Variants in HMCN2 observed in about 807,000 individuals in gnomAD.
HMCN2 encodes hemicentin-2.
In HMCN2, 325 loss-of-function variants were observed where a neutral mutation model predicts 377.5. The observed-to-expected ratio is 0.86, with a 90% CI of 0.79 to 0.94. The LOEUF (loss-of-function observed/expected upper bound fraction) is 0.94, where lower values mean the gene tolerates loss of function less well. Ranked by LOEUF, HMCN2 falls within the 40% of genes least tolerant of loss-of-function variation. The pLI is 0.00. For missense variants in HMCN2, 4,543 were observed against 4,725.3 expected, an observed-to-expected ratio of 0.96 and a Z score of 1.13; for synonymous variants, 2,007 against 2,046.8, an observed-to-expected ratio of 0.98 and a Z score of 0.53.
intron 15 of HMCN2, among the ~76,000 whole-genome samples, chr9:130,313,607 C>CA (rs1554939735): frequency 2.0e-5 from 3 of 151,800 alleles, no homozygotes; most frequent in Non-Finnish European, 4.4e-5. Flanking sequence ...GGCACCCCCC[C>CA]CCATAAACCT....
intron 80 of HMCN2, among the ~76,000 whole-genome samples, chr9:130,404,631 A>G (rs112447635): frequency 0.026 from 4,002 of 151,990 alleles, 189 homozygotes; most frequent in African/African-American, 0.091. Context: ...ATGTGCATGC[A>G]TGTGTGTGTG....
intron 4 of HMCN2, among the ~76,000 whole-genome samples, chr9:130,293,179 T>C (rs188756273): frequency 3.3e-5 from 5 of 151,952 alleles, no homozygotes; most frequent in Admixed American, 3.3e-4. Flanking sequence ...ATTCTGAAAA[T>C]ATTGACATCT....
chr9:130,281,256 T>G (rs1934542001), intron 1 of HMCN2, among the ~76,000 whole-genome samples: 3 of 152,180 alleles, frequency 2.0e-5, no homozygotes, highest in Admixed American at 2.0e-4. Flanking sequence ...ATCCCAGCAC[T>G]GCCACTTATT....
intron 85 of HMCN2, among the ~76,000 whole-genome samples, chr9:130,411,571 G>T (rs1843407335): frequency 1.5e-5 from 2 of 130,030 alleles, no homozygotes; most frequent in Admixed American, 9.9e-5. Flanking sequence ...TCGCACTCCA[G>T]CCTGGTTGAC....
chr9:130,291,207 TTTTG>T (rs782098065), intron 4 of HMCN2, among the ~76,000 whole-genome samples: 114 of 152,256 alleles, frequency 7.5e-4, no homozygotes, highest in African/African-American at 2.5e-3. Flanking sequence ...CATACTTGAT[TTTTG>T]TTTGTTTGTT....
At position 130,281,554 on chromosome 9, in the gene HMCN2, C is replaced by T. The variant is rs536790513; in HGVS notation, c.260-3049C>T. 2.0e-3 allele frequency among the ~76,000 whole-genome samples: 296 copies of T among 151,482 alleles called. 2 individuals carry two copies. The highest frequency in any genetic ancestry group is 2.8e-3 in the Non-Finnish European group (189 of 67,894). ...TGGAGGTTGCAGTGAGCCAGGATCG[C>T]GCCACTGCACTCCAGCCTGGGTGAT... On this transcript the variant is annotated intron_variant, in intron 1 of 97. Coordinates refer to ENST00000683500, the MANE Select transcript of HMCN2 (RefSeq NM_001291815.2).
chr9:130,333,864 G>A (rs1838568524), intron 22 of HMCN2, among the ~76,000 whole-genome samples: 1 of 152,198 alleles, frequency 6.6e-6, no homozygotes, highest in South Asian at 2.1e-4. Flanking sequence ...TCATGATAAG[G>A]CATCTCTCTG....
intron 57 of HMCN2, 86 bp from the exon 58 acceptor site, chr9:130,384,287 T>C (rs1841895654): frequency 8.9e-7 from 1 of 1,126,150 alleles, no homozygotes; most frequent in African/African-American, 1.6e-5. Flanking sequence ...AGGAGCTGGG[T>C]GAGGCTCAGG....
In HMCN2 at chr9:130,361,276, G is replaced by C. The variant is rs1391882990; in HGVS notation, c.5950+672G>C. 6.6e-6 allele frequency among the ~76,000 whole-genome samples: 1 copy of C among 152,248 alleles called. No individual in the cohort carries two copies. The highest frequency in any genetic ancestry group is 1.5e-5 in the Non-Finnish European group (1 of 68,046). ...GCTGGTGAACATGAGGTGCAACGGA[G>C]CACCTATAACAGGGCACTGACTTGG... On this transcript the variant is annotated intron_variant, in intron 38 of 97. Coordinates refer to ENST00000683500, the MANE Select transcript of HMCN2 (RefSeq NM_001291815.2). The surrounding 1 kb of genome is among the most constrained non-coding windows in gnomAD (Gnocchi z 4.8).
intron 25 of HMCN2, among the ~76,000 whole-genome samples, chr9:130,345,385 G>A (rs1353178439): frequency 2.1e-4 from 31 of 149,588 alleles, no homozygotes; most frequent in Non-Finnish European, 7.4e-5. Context: ...TATGTGTAGT[G>A]TGTGGTGTGT....
chr9:130,409,405 T>C (rs1843292789), intron 84 of HMCN2, among the ~76,000 whole-genome samples: 1 of 152,158 alleles, frequency 6.6e-6, no homozygotes, highest in Non-Finnish European at 1.5e-5. Flanking sequence ...TTCCAAAGCC[T>C]TGGGCCCTGG....
chr9:130,403,786 A>G lies in HMCN2; in HGVS notation c.12059A>G (p.His4020Arg), dbSNP rs1842964456. The G allele has an allele frequency of 1.6e-6, 2 of 1,289,810 alleles. No individual in the cohort carries two copies. Among genetic ancestry groups the G allele is most frequent in the South Asian group, 1.2e-5 (1 of 81,020 alleles). The allele number at this position is 1,289,810 out of a possible 1,614,324, so 79.9% of individuals were successfully genotyped here. Residue 4020 changes from histidine (H) to arginine (R), a missense_variant, in exon 80 of 98, where the codon CAT becomes CGT. His to Arg is a conservative substitution (Grantham distance 29). Transcript: ENST00000683500. Reference protein sequence around the residue: ...VLPGGQLRIAHASPEDAGNYL... With the variant: ...VLPGGQLRIARASPEDAGNYL... ...CCAGGCGGACAGCTGCGGATTGCCC[A>G]TGCCAGCCCAGAGGATGCTGGAAAC...
rs907750688 is a variant in HMCN2 at position 130,394,360 on chromosome 9, T to C, written c.10502-25T>C. 4 of 1,277,522 alleles carry C rather than the reference T, an allele frequency of 3.1e-6. No individual in the cohort carries two copies. The highest frequency in any genetic ancestry group is 4.1e-6 in the Non-Finnish European group (4 of 978,604). 79.1% of individuals were successfully genotyped at this position (1,277,522 alleles called of 1,614,324 possible). On this transcript the variant is annotated intron_variant, in intron 68 of 97. Transcript: ENST00000683500. The surrounding 1 kb of genome is among the most constrained non-coding windows in gnomAD (Gnocchi z 5.1). ...GTCCCGGAAATGTGTGTCAATTGTG[T>C]GTTCCCCTCCATGGTGGCTTGCAGA...
At chr9:130,318,611 C>T (rs1013431947) in intron 15 of HMCN2, among the ~76,000 whole-genome samples, 5 of 152,138 alleles carry the variant, frequency 3.3e-5, no homozygotes, top group Non-Finnish European at 7.3e-5. Flanking sequence ...TAGGGAAGGG[C>T]GTGGGATTTG....
chr9:130,368,307 C>A lies in HMCN2; in HGVS notation c.6657C>A (p.Leu2219=). The A allele has an allele frequency of 1.0e-6, 1 of 985,760 alleles. No individual in the cohort carries two copies. The highest frequency in any genetic ancestry group is 1.2e-6 in the Non-Finnish European group (1 of 829,918). 61.1% of individuals were successfully genotyped at this position (985,760 alleles called of 1,614,324 possible). A position where few individuals can be genotyped will look rare whatever the true frequency, so the allele number is the denominator to read the frequency against. ...GQPLPGEGAG[L]QHVSAVGRLL... ...CCCTCCCCGGGGAGGGGGCTGGCCT[C>A]CAGCACGTGTCGGCTGTGGGGAGGC... Residue 2219 remains leucine (L), a synonymous_variant, in exon 44 of 98, where the codon CTC becomes CTA. Transcript: ENST00000683500.
At chr9:130,412,701 C>G (rs982106352) in intron 85 of HMCN2, among the ~76,000 whole-genome samples, 2 of 151,814 alleles carry the variant, frequency 1.3e-5, no homozygotes, top group African/African-American at 4.8e-5. Flanking sequence ...CTCAGCCTCC[C>G]AAGTAGCTGG....
chr9:130,370,043 A>G (rs1157690746), intron 45 of HMCN2, among the ~76,000 whole-genome samples, 192 bp downstream of exon 45: 1 of 151,706 alleles, frequency 6.6e-6, no homozygotes, highest in Non-Finnish European at 1.5e-5. Flanking sequence ...ACTGGTCCCA[A>G]ATGGCCCCAA....
At chr9:130,402,648 T>C (rs1341459809) in intron 77 of HMCN2, 141 bp from the exon 78 acceptor site, 1 of 413,554 alleles carries the variant, frequency 2.4e-6, no homozygotes, top group African/African-American at 2.1e-5. Context: ...TCCCATACAG[T>C]CACATCCCCC....
chr9:130,368,541 G>A, intron 44 of HMCN2, 104 bp downstream of exon 44: 1 of 590,858 alleles, frequency 1.7e-6, no homozygotes, highest in Non-Finnish European at 2.1e-6. Flanking sequence ...GGTGTGTGGT[G>A]CAGGCTTTCT....
Sources: allele counts gnomAD v4.1 joint callset (sites outside exome capture counted in the v4.1 genomes callset), GRCh38; gene constraint gnomAD v4.1.1; non-coding constraint Gnocchi (gnomAD v3.1); transcripts MANE v1.5; gene names NCBI Gene and HGNC (gene_info 2026-07-23, HGNC 2026-07-21).